Variants in TSHR observed in about 807,000 individuals in gnomAD.
The protein encoded by TSHR is thyrotropin receptor.
TSHR carries 51 observed loss-of-function variants against 64.1 expected under a neutral mutation model. That is an observed-to-expected ratio of 0.80 (90% CI 0.64 to 1.01). The LOEUF is 1.01. Among genes scored for constraint, TSHR ranks in the 50% least tolerant of loss-of-function variants. The probability of loss-of-function intolerance (pLI) is 0.00; values close to 1 mark genes in which losing one functional copy is unlikely to be tolerated. For synonymous variants in TSHR, 361 were observed against 361.9 expected (o/e 1.00, Z 0.03); for missense variants, 877 against 942.8 (o/e 0.93, Z 0.91).
At chr14:80,966,213 A>T (rs1887290992) in intron 1 of TSHR, among the ~76,000 whole-genome samples, 1 of 152,136 alleles carries the variant, frequency 6.6e-6, no homozygotes, top group Admixed American at 6.5e-5. Flanking sequence ...TCTTTTTTTA[A>T]GCCAAGAAAC....
At chr14:81,040,632 T>C (rs1884874363) in intron 1 of TSHR, among the ~76,000 whole-genome samples, 1 of 151,906 alleles carries the variant, frequency 6.6e-6, no homozygotes, top group Non-Finnish European at 1.5e-5. Flanking sequence ...AATACAGTCA[T>C]GTTCCACATA....
At chr14:80,955,908 G>A in intron 1 of TSHR, 58 bp downstream of exon 1, 2 of 1,610,130 alleles carry the variant, frequency 1.2e-6, no homozygotes, top group Non-Finnish European at 1.7e-6. Flanking sequence ...CTGCAGAGGT[G>A]GCCCGAAGTG....
intron 1 of TSHR, among the ~76,000 whole-genome samples, chr14:80,956,652 A>C (rs1886709934): frequency 6.6e-6 from 1 of 150,498 alleles, no homozygotes; most frequent in African/African-American, 2.5e-5. Context: ...GGACAGTAAA[A>C]CAACCTAGGC....
At chr14:80,989,973 C>T (rs1471779945) in intron 1 of TSHR, among the ~76,000 whole-genome samples, 5 of 152,116 alleles carry the variant, frequency 3.3e-5, no homozygotes, top group African/African-American at 4.8e-5. Flanking sequence ...GCTTCTCTTC[C>T]GGACCATTAG....
At chr14:81,072,254 C>G (rs1043311185) in intron 3 of TSHR, among the ~76,000 whole-genome samples, 1 of 152,100 alleles carries the variant, frequency 6.6e-6, no homozygotes, top group Non-Finnish European at 1.5e-5. Context: ...GGTAACTGAA[C>G]TTCATGTGTA....
intron 8 of TSHR, among the ~76,000 whole-genome samples, chr14:81,119,459 C>A (rs1027830165): frequency 1.4e-5 from 2 of 141,804 alleles, no homozygotes; most frequent in Non-Finnish European, 3.0e-5. Context: ...CAGAGAAATG[C>A]AAATCAAAAC....
Position 81,022,540 on chromosome 14 carries a change from G to A in TSHR, c.171-39608G>A, listed in dbSNP as rs542542325. Reference sequence around the variant, plus strand: ...GTGGTATTAAGATGTGGGGTGTTTGGGGCCGGGCACGGTGGCTCACACCTG... The same window carrying A: ...GTGGTATTAAGATGTGGGGTGTTTGAGGCCGGGCACGGTGGCTCACACCTG... On this transcript the variant is annotated intron_variant, in intron 1 of 9. Coordinates refer to ENST00000298171, the MANE Select transcript of TSHR (RefSeq NM_000369.5). Among the ~76,000 whole-genome samples the A allele has an allele frequency of 4.6e-5, 7 of 151,742 alleles. No homozygotes were observed. In the South Asian group the frequency reaches 1.5e-3, roughly 32 times the overall value.
At chr14:81,051,635 C>T (rs1158611135) in intron 1 of TSHR, 1 of 152,104 alleles carries the variant, frequency 6.6e-6, no homozygotes, top group Non-Finnish European at 1.5e-5. Context: ...AATAGTTGTA[C>T]TAATTCACAT....
Position 81,087,462 on chromosome 14 carries a change from C to A in TSHR, c.318-492C>A, listed in dbSNP as rs142760338. On this transcript the variant is annotated intron_variant, in intron 3 of 9. Transcript: ENST00000298171. ...AATAAACCCAAGTGAACTGTGAAGA[C>A]TTACCACTTCTGTACATCTGGTATG... 3 of 200,498 alleles carry A rather than the reference C, an allele frequency of 1.5e-5. No individual in the cohort carries two copies. The East Asian group carries it at 3.9e-4, about 26-fold the overall frequency. The allele number at this position is 200,498 out of a possible 1,614,324, so 12.4% of individuals were successfully genotyped here.
chr14:81,006,416 C>T (rs1889607348), intron 1 of TSHR, among the ~76,000 whole-genome samples: 1 of 152,138 alleles, frequency 6.6e-6, no homozygotes, highest in African/African-American at 2.4e-5. Context: ...TCCTGATCTC[C>T]TCTTCTTATC....
At chr14:81,061,876 G>C (rs1886269910) in intron 1 of TSHR, among the ~76,000 whole-genome samples, 1 of 152,070 alleles carries the variant, frequency 6.6e-6, no homozygotes, top group African/African-American at 2.4e-5. Flanking sequence ...AAAGTGTGAT[G>C]CGAGGCAAGA....
chr14:80,963,411 T>G (rs1006206680), intron 1 of TSHR, among the ~76,000 whole-genome samples: 1 of 152,142 alleles, frequency 6.6e-6, no homozygotes, highest in Non-Finnish European at 1.5e-5. Flanking sequence ...GCAGAAAATA[T>G]CTTTTCTTTA....
At chr14:81,104,552 C>A in intron 7 of TSHR, 2 of 985,426 alleles carry the variant, frequency 2.0e-6, no homozygotes, top group South Asian at 4.7e-5. Context: ...CTAGGAGTCA[C>A]CCAACAATCA....
intron 7 of TSHR, chr14:81,104,379 G>A (rs554048278): frequency 1.0e-6 from 1 of 985,424 alleles, no homozygotes; most frequent in South Asian, 4.7e-5. Context: ...TAAAGGGACT[G>A]TGGAGGCACA....
At chr14:81,053,659 T>C (rs1300444495) in intron 1 of TSHR, 2 of 152,208 alleles carry the variant, frequency 1.3e-5, no homozygotes, top group Non-Finnish European at 2.9e-5. Flanking sequence ...TGGAAGTTTT[T>C]GTGATAGTTA....
rs1264287089 is a variant in TSHR at position 80,961,459 on chromosome 14, G to C, written c.170+5609G>C. On this transcript the variant is annotated intron_variant, in intron 1 of 9. Coordinates refer to ENST00000298171, the MANE Select transcript of TSHR (RefSeq NM_000369.5). The stretch of plus-strand genomic sequence containing the variant: ...AAGAACCAGTAGGAGTTGAGTGTAA[G>C]AAGTTTCAGTGGAGCAGGTAGAAGG... 2.6e-5 allele frequency among the ~76,000 whole-genome samples: 4 copies of C among 152,234 alleles called. No homozygotes were observed. In the East Asian group the frequency reaches 7.7e-4, roughly 29 times the overall value.
intron 1 of TSHR, among the ~76,000 whole-genome samples, chr14:81,039,906 C>G (rs186316499): frequency 9.1e-4 from 138 of 152,074 alleles, no homozygotes; most frequent in African/African-American, 3.2e-3. Context: ...AAAAGATCTA[C>G]AGATTCAATG....
chr14:80,974,150 G>A (rs1887745363), intron 1 of TSHR, among the ~76,000 whole-genome samples: 1 of 152,196 alleles, frequency 6.6e-6, no homozygotes, highest in African/African-American at 2.4e-5. Context: ...CTGAGAGCCT[G>A]TCAGATGTGG....
At chr14:80,983,612 A>C (rs2139726224) in intron 1 of TSHR, 3 of 945,964 alleles carry the variant, frequency 3.2e-6, no homozygotes, top group Non-Finnish European at 4.8e-6. Flanking sequence ...TTCTCAGGGA[A>C]GTTAAAGGGA....
Sources: allele counts gnomAD v4.1 joint callset (sites outside exome capture counted in the v4.1 genomes callset), GRCh38; gene constraint gnomAD v4.1.1; transcripts MANE v1.5; gene names NCBI Gene and HGNC (gene_info 2026-07-23, HGNC 2026-07-21).